Variants in ANKRD31 observed in about 807,000 individuals in gnomAD.
ANKRD31 encodes ankyrin repeat domain-containing protein 31.
In ANKRD31, 147 loss-of-function variants were observed where a neutral mutation model predicts 186.0. The observed-to-expected ratio is 0.79, with a 90% CI of 0.69 to 0.91. ANKRD31 has a LOEUF of 0.91. ANKRD31 is among the 40% of genes least tolerant of loss of function. ANKRD31 has a pLI of 0.00. For synonymous variants in ANKRD31, 673 were observed against 736.4 expected (o/e 0.91, Z 1.39); for missense variants, 1,986 against 2,148.8 (o/e 0.92, Z 1.50).
At chr5:75,097,067 C>A (rs548413973) in intron 22 of ANKRD31, among the ~76,000 whole-genome samples, 152 of 152,270 alleles carry the variant, frequency 1.0e-3, no homozygotes, top group Non-Finnish European at 6.3e-4. Context: ...CATTGATGGA[C>A]ATTTGGGTTA....
Position 75,105,175 on chromosome 5 carries a change from A to G in ANKRD31, c.4384T>C (p.Leu1462=). The G allele has an allele frequency of 6.5e-7, 1 of 1,535,242 alleles. No homozygotes were observed. Among genetic ancestry groups the G allele is most frequent in the Non-Finnish European group, 8.7e-7 (1 of 1,146,218 alleles). ...TTCTGTCTTGCAGCCAAGTTGGCCA[A>G]TTGTTCTCTCAGGGCTCCATGCTTA... ...SFKHGALREQ[L]ANLAARQKSL... The change falls in exon 22 of 26, where the codon TTG becomes CTG. Residue 1462 remains leucine, a synonymous_variant. Transcript: ENST00000506364.
rs1743951271 is a variant in ANKRD31 at position 75,068,597 on chromosome 5, A to G, written c.5715T>C (p.Ser1905=). The change falls in exon 26 of 26, where the codon AGT becomes AGC. Residue 1905 remains serine, a synonymous_variant. Transcript: ENST00000506364. ...YLQINEILLI[S]DQEFLPCHIM... is the part of the protein sequence containing the mutation. ...TGTGGCATGGGAGAAATTCTTGATC[A>G]CTGATTAATAGTATTTCATTTATTT... 1 of 1,525,512 alleles carries G rather than the reference A, an allele frequency of 6.6e-7. No individual in the cohort carries two copies. Among genetic ancestry groups the G allele is most frequent in the African/African-American group, 1.4e-5 (1 of 72,640 alleles). The allele number at this position is 1,525,512 out of a possible 1,614,324, so 94.5% of individuals were successfully genotyped here.
chr5:75,190,930 T>A (rs1444349338), intron 9 of ANKRD31, among the ~76,000 whole-genome samples: 1 of 152,074 alleles, frequency 6.6e-6, no homozygotes, highest in Non-Finnish European at 1.5e-5. Context: ...TTCTTAGCTA[T>A]TTGATATTTG....
At chr5:75,231,848 G>A (rs1469206109) in intron 1 of ANKRD31, among the ~76,000 whole-genome samples, 1 of 151,962 alleles carries the variant, frequency 6.6e-6, no homozygotes, top group Admixed American at 6.6e-5. Flanking sequence ...AGGCTGCAGT[G>A]AGCTATGATC....
At chr5:75,206,389 T>C in intron 5 of ANKRD31, 22 bp downstream of exon 5, 1 of 1,387,412 alleles carries the variant, frequency 7.2e-7, no homozygotes, top group Non-Finnish European at 9.3e-7. Flanking sequence ...TTCCTTTATA[T>C]GACTCTACCA....
intron 10 of ANKRD31, among the ~76,000 whole-genome samples, chr5:75,182,726 A>C (rs1754417896): frequency 6.6e-6 from 1 of 152,144 alleles, no homozygotes. Context: ...ACTTAAAAAA[A>C]AAAAAAAAGA....
In ANKRD31 at chr5:75,193,516, T is replaced by A. The variant is rs1007516020; in HGVS notation, c.1093A>T (p.Asn365Tyr). ...QNITSCEPLSNKRNSNSVTNS... is the reference protein window; with the variant it reads ...QNITSCEPLSYKRNSNSVTNS... Reference sequence around the variant, plus strand: ...GTCACTGAATTTGAATTTCTCTTATTACTTAGTGGCTCACAAGAAGTGATA... The same window carrying A: ...GTCACTGAATTTGAATTTCTCTTATAACTTAGTGGCTCACAAGAAGTGATA... Residue 365 changes from asparagine to tyrosine, a missense_variant, in exon 8 of 26, where the codon AAT becomes TAT. Asn to Tyr is a moderately radical substitution (Grantham distance 143, BLOSUM62 -2). Transcript: ENST00000506364. 6.5e-7 allele frequency: 1 copy of A among 1,537,076 alleles called. No individual in the cohort carries two copies. The highest frequency in any genetic ancestry group is 1.4e-5 in the African/African-American group (1 of 73,160).
At chr5:75,190,711 A>T (rs1755054838) in intron 9 of ANKRD31, among the ~76,000 whole-genome samples, 1 of 151,462 alleles carries the variant, frequency 6.6e-6, no homozygotes, top group African/African-American at 2.4e-5. Context: ...AAAATTTTTA[A>T]TTAATTATTG....
At chr5:75,198,086 GA>G (rs1266287174) in intron 6 of ANKRD31, among the ~76,000 whole-genome samples, 1 of 152,182 alleles carries the variant, frequency 6.6e-6, no homozygotes, top group Admixed American at 6.6e-5. Flanking sequence ...CTGCTAGTCA[GA>G]AAGATTTGGT....
chr5:75,169,116 T>A lies in ANKRD31; in HGVS notation c.1570A>T (p.Thr524Ser), dbSNP rs1292921873. 1 of 1,535,940 alleles carries A rather than the reference T, an allele frequency of 6.5e-7. No homozygotes were observed. The highest frequency in any genetic ancestry group is 1.2e-5 in the South Asian group (1 of 83,912). ...CCTACACTAGCTTCATGAAGTGCTG[T>A]CCAACCTATCATACAAAAAGATACG... ...NVNQPSYAGW[T>S]ALHEASVGGF... Residue 524 changes from threonine to serine, a missense_variant, in exon 11 of 26, where the codon ACA becomes TCA. Thr to Ser is a moderately conservative substitution (Grantham distance 58, BLOSUM62 1). Coordinates refer to ENST00000506364, the MANE Select transcript of ANKRD31 (RefSeq NM_001372053.1).
chr5:75,141,404 A>C (rs574357196), intron 15 of ANKRD31, among the ~76,000 whole-genome samples: 62 of 152,200 alleles, frequency 4.1e-4, no homozygotes, highest in African/African-American at 1.4e-3. Context: ...ATTATATCTC[A>C]GATTGCAGGC....
chr5:75,206,819 C>T (rs901629994), intron 4 of ANKRD31, among the ~76,000 whole-genome samples: 10 of 152,176 alleles, frequency 6.6e-5, no homozygotes, highest in Admixed American at 5.2e-4. Flanking sequence ...TCCTGAAATA[C>T]GTAGTTTTTC....
At chr5:75,157,212 C>G (rs540956936) in intron 11 of ANKRD31, among the ~76,000 whole-genome samples, 2 of 152,068 alleles carry the variant, frequency 1.3e-5, no homozygotes. Context: ...TGCAAGGGCT[C>G]AGAAGGAAAT....
chr5:75,178,015 C>T (rs1163911233), intron 10 of ANKRD31, among the ~76,000 whole-genome samples: 5 of 151,936 alleles, frequency 3.3e-5, no homozygotes, highest in Non-Finnish European at 5.9e-5. Flanking sequence ...CACACATAGG[C>T]TCAAAATAAA....
Position 75,112,505 on chromosome 5 carries a change from A to G in ANKRD31, c.4243+8T>C, listed in dbSNP as rs1371197856. 1 of 1,459,384 alleles carries G rather than the reference A, an allele frequency of 6.9e-7. No individual in the cohort carries two copies. Among genetic ancestry groups the G allele is most frequent in the Non-Finnish European group, 9.3e-7 (1 of 1,080,884 alleles). The allele number at this position is 1,459,384 out of a possible 1,614,324, so 90.4% of individuals were successfully genotyped here. A position where few individuals can be genotyped will look rare whatever the true frequency, so the allele number is the denominator to read the frequency against. On this transcript the variant is annotated splice_region_variant and intron_variant, in intron 20 of 25. Coordinates refer to ENST00000506364, the MANE Select transcript of ANKRD31 (RefSeq NM_001372053.1). ...AAATATCATACTTGAGTATGAGTCT[A>G]TATTTACCTGCATCTTCAGGGTTTC...
chr5:75,212,534 A>G (rs1015638162), intron 3 of ANKRD31, among the ~76,000 whole-genome samples: 4 of 152,186 alleles, frequency 2.6e-5, no homozygotes, highest in African/African-American at 9.6e-5. Flanking sequence ...TAGGAGGCTG[A>G]GGTGGGAGGA....
intron 9 of ANKRD31, among the ~76,000 whole-genome samples, chr5:75,189,343 C>A (rs1754947744): frequency 6.6e-6 from 1 of 152,124 alleles, no homozygotes; most frequent in Admixed American, 6.6e-5. Context: ...GTTTGGAGGG[C>A]AATACTCATC....
At chr5:75,133,273 G>T (rs145189625) in intron 17 of ANKRD31, among the ~76,000 whole-genome samples, 1 of 152,004 alleles carries the variant, frequency 6.6e-6, no homozygotes, top group Non-Finnish European at 1.5e-5. Flanking sequence ...CCCATCTCAC[G>T]TGCAGAGACA....
intron 17 of ANKRD31, among the ~76,000 whole-genome samples, chr5:75,135,870 A>G (rs1397519336): frequency 3.3e-5 from 5 of 152,232 alleles, no homozygotes; most frequent in Non-Finnish European, 7.3e-5. Context: ...CCACACATCT[A>G]CAATGATCTG....
Sources: gnomAD v4.1 joint callset for allele counts (sites outside exome capture counted in the v4.1 genomes callset) on GRCh38, gnomAD v4.1.1 for gene constraint, MANE v1.5 for transcripts, NCBI Gene and HGNC (gene_info 2026-07-23, HGNC 2026-07-21) for gene names.